GRK5: variants seen among roughly 807,000 people sequenced by gnomAD.
GRK5 encodes G protein-coupled receptor kinase 5, also known as g protein-coupled receptor kinase GRK5.
Under a neutral mutation model 78.4 loss-of-function variants are expected in GRK5, and 40 were observed. That is an observed-to-expected ratio of 0.51 (90% CI 0.40 to 0.66). GRK5 has a LOEUF of 0.66. GRK5 is among the 30% of genes least tolerant of loss of function. The probability of loss-of-function intolerance (pLI) is 0.00; values close to 1 mark genes in which losing one functional copy is unlikely to be tolerated. For missense variants in GRK5, 598 were observed against 759.9 expected, an observed-to-expected ratio of 0.79 and a Z score of 2.50; for synonymous variants, 289 against 296.8, an observed-to-expected ratio of 0.97 and a Z score of 0.27.
chr10:119,248,893 G>A (rs151138088), intron 1 of GRK5, among the ~76,000 whole-genome samples: 1 of 151,902 alleles, frequency 6.6e-6, no homozygotes, highest in Admixed American at 6.6e-5. Flanking sequence ...TTTACCATCT[G>A]GCCTTTTACA....
rs557513668 is a variant in GRK5 at position 119,400,109 on chromosome 10, G to A, written c.339+3337G>A. 1.4e-4 allele frequency among the ~76,000 whole-genome samples: 22 copies of A among 152,346 alleles called. No homozygotes were observed. In the South Asian group the frequency reaches 4.1e-3, roughly 29 times the overall value. On this transcript the variant is annotated intron_variant, in intron 4 of 15. Coordinates refer to ENST00000392870, the MANE Select transcript of GRK5 (RefSeq NM_005308.3). ...GTCAGAGTCCGTTGGCCTCACCTGGGTGGTCTCTGAGCACACTGTTCCATT... is the reference window on the plus strand; with the variant it reads ...GTCAGAGTCCGTTGGCCTCACCTGGATGGTCTCTGAGCACACTGTTCCATT...
Position 119,217,955 on chromosome 10 carries a change from C to G in GRK5, c.52+9986C>G, listed in dbSNP as rs1848601146. Among the ~76,000 whole-genome samples, 1 of 152,198 alleles carries G rather than the reference C, an allele frequency of 6.6e-6. No individual in the cohort carries two copies. The highest frequency in any genetic ancestry group is 2.1e-4 in the South Asian group (1 of 4,828). On this transcript the variant is annotated intron_variant, in intron 1 of 15. Coordinates refer to ENST00000392870, the MANE Select transcript of GRK5 (RefSeq NM_005308.3). The surrounding 1 kb of genome is among the most constrained non-coding windows in gnomAD (Gnocchi z 4.1). ...GCAGATTGCAGGGCATCCCCACCCC[C>G]TCACCAAAGAGAGGGTATGAAGTGG...
intron 2 of GRK5, among the ~76,000 whole-genome samples, chr10:119,359,998 T>G (rs1851333133): frequency 7.0e-6 from 1 of 142,004 alleles, no homozygotes; most frequent in African/African-American, 2.7e-5. Flanking sequence ...GGAGGGAGGC[T>G]GAGGAGGCTG....
At chr10:119,301,810 G>C (rs1174268868) in intron 1 of GRK5, among the ~76,000 whole-genome samples, 2 of 152,136 alleles carry the variant, frequency 1.3e-5, no homozygotes, top group Non-Finnish European at 2.9e-5. Flanking sequence ...ATTTTCCTCT[G>C]CCAGGCCAAT....
chr10:119,225,084 G>C (rs1848713110), intron 1 of GRK5, among the ~76,000 whole-genome samples: 1 of 152,134 alleles, frequency 6.6e-6, no homozygotes, highest in Non-Finnish European at 1.5e-5. Context: ...GAGCCAAGAG[G>C]GGTTACATTT....
At chr10:119,349,833 C>G (rs549370958) in intron 2 of GRK5, among the ~76,000 whole-genome samples, 5 of 152,320 alleles carry the variant, frequency 3.3e-5, no homozygotes, top group African/African-American at 1.2e-4. Context: ...TCAGAACCAC[C>G]ACCTGCCTTT....
chr10:119,255,055 A>AG (rs1287892032), intron 1 of GRK5, among the ~76,000 whole-genome samples: 3 of 149,220 alleles, frequency 2.0e-5, no homozygotes, highest in Non-Finnish European at 4.5e-5. Context: ...AAAAAAAAAA[A>AG]AAGAAGGAAA....
intron 1 of GRK5, among the ~76,000 whole-genome samples, chr10:119,300,921 A>G (rs1459308338): frequency 6.6e-6 from 1 of 152,044 alleles, no homozygotes; most frequent in Non-Finnish European, 1.5e-5. Context: ...AAAACCCCGT[A>G]TCAACTAAAA....
Position 119,326,497 on chromosome 10 carries a change from T to C in GRK5, c.53-19T>C, listed in dbSNP as rs556145937. 8.8e-6 allele frequency: 14 copies of C among 1,596,190 alleles called. No individual in the cohort carries two copies. In the South Asian group the frequency reaches 1.3e-4, roughly 15 times the overall value. ...GGCTCTGGAGCCTCAGCCAGGCATCTTTTTCCCCATCTCTGCAGGGGGCGG... is the reference window on the plus strand; with the variant it reads ...GGCTCTGGAGCCTCAGCCAGGCATCCTTTTCCCCATCTCTGCAGGGGGCGG... On this transcript the variant is annotated intron_variant, in intron 1 of 15. Coordinates refer to ENST00000392870, the MANE Select transcript of GRK5 (RefSeq NM_005308.3).
At chr10:119,403,187 G>A (rs913615214) in intron 4 of GRK5, among the ~76,000 whole-genome samples, 1 of 151,548 alleles carries the variant, frequency 6.6e-6, no homozygotes, top group Non-Finnish European at 1.5e-5. Flanking sequence ...TTTTTTTTGA[G>A]ACGGAGTCTC....
Position 119,267,791 on chromosome 10 carries a change from A to G in GRK5, c.53-58725A>G, listed in dbSNP as rs535773062. ...TGCTGGCTCAGCCACACAAACAATGACATGGAACAGGGAGGCGCTCCCATG... is the reference window on the plus strand; with the variant it reads ...TGCTGGCTCAGCCACACAAACAATGGCATGGAACAGGGAGGCGCTCCCATG... On this transcript the variant is annotated intron_variant, in intron 1 of 15. Transcript: ENST00000392870. This position sits in a 1 kb window ranked among gnomAD's most constrained non-coding sequence, Gnocchi z 4.1. 1.3e-5 allele frequency among the ~76,000 whole-genome samples: 2 copies of G among 152,224 alleles called. No homozygotes were observed. The highest frequency in any genetic ancestry group is 1.3e-4 in the Admixed American group (2 of 15,302).
intron 1 of GRK5, among the ~76,000 whole-genome samples, chr10:119,275,611 T>TCTCTCTCTCA (rs574879389): frequency 2.4e-5 from 3 of 123,968 alleles, no homozygotes; most frequent in East Asian, 2.1e-4. Flanking sequence ...TCTCTCTCTC[T>TCTCTCTCTCA]CGCACACACA....
intron 1 of GRK5, among the ~76,000 whole-genome samples, chr10:119,313,210 TGGTGGTGGTGAC>T (rs1177706205): frequency 6.7e-6 from 1 of 148,812 alleles, no homozygotes. Context: ...GTAATGGTAG[TGGTGGTGGTGAC>T]GGTAGTGATG....
At chr10:119,344,927 T>TTCCTTCCTTCCC (rs1851059842) in intron 2 of GRK5, among the ~76,000 whole-genome samples, 1 of 136,380 alleles carries the variant, frequency 7.3e-6, no homozygotes. Context: ...CCTTCCTTCC[T>TTCCTTCCTTCCC]TCCTTCCTTT....
chr10:119,255,768 C>T (rs1466893176), intron 1 of GRK5, among the ~76,000 whole-genome samples: 1 of 152,194 alleles, frequency 6.6e-6, no homozygotes, highest in East Asian at 1.9e-4. Flanking sequence ...CCTCTTGCTT[C>T]GAGCCATCAT....
intron 2 of GRK5, among the ~76,000 whole-genome samples, chr10:119,371,050 A>C (rs1048738698): frequency 2.1e-5 from 3 of 144,096 alleles, no homozygotes; most frequent in Non-Finnish European, 3.0e-5. Flanking sequence ...TAGCATTTCC[A>C]TTTCCTCAGG....
chr10:119,217,109 C>A lies in GRK5; in HGVS notation c.52+9140C>A, dbSNP rs1848587838. On this transcript the variant is annotated intron_variant, in intron 1 of 15. Coordinates refer to ENST00000392870, the MANE Select transcript of GRK5 (RefSeq NM_005308.3). This position sits in a 1 kb window ranked among gnomAD's most constrained non-coding sequence, Gnocchi z 4.1. ...CCTCTCATAATATATGCCAAAACAA[C>A]AAACTCTTCTCGAGATGGTAGGGTT... Among the ~76,000 whole-genome samples, 1 of 152,124 alleles carries A rather than the reference C, an allele frequency of 6.6e-6. No individual in the cohort carries two copies. The highest frequency in any genetic ancestry group is 2.1e-4 in the South Asian group (1 of 4,830).
intron 2 of GRK5, among the ~76,000 whole-genome samples, chr10:119,348,781 A>C (rs74918685): frequency 0.037 from 5,681 of 152,308 alleles, 201 homozygotes; most frequent in Admixed American, 0.093. Context: ...TGGGGGGACC[A>C]GGTGTCCCAA....
chr10:119,233,734 C>T (rs969311093), intron 1 of GRK5, among the ~76,000 whole-genome samples: 1 of 151,898 alleles, frequency 6.6e-6, no homozygotes, highest in Non-Finnish European at 1.5e-5. Context: ...GGGCCTGGGT[C>T]AGGAGGAGCC....
Sources: allele counts gnomAD v4.1 joint callset (sites outside exome capture counted in the v4.1 genomes callset), GRCh38; gene constraint gnomAD v4.1.1; non-coding constraint Gnocchi (gnomAD v3.1); transcripts MANE v1.5; gene names NCBI Gene and HGNC (gene_info 2026-07-23, HGNC 2026-07-21).